PLAT: variants seen among roughly 807,000 people sequenced by gnomAD.
The protein encoded by PLAT is plasminogen activator, tissue type, also known as tissue-type plasminogen activator.
A neutral mutation model predicts 74.9 loss-of-function variants in PLAT; 48 were observed. The ratio of observed to expected loss-of-function variants is 0.64; its 90% CI spans 0.51 to 0.82. The LOEUF (loss-of-function observed/expected upper bound fraction) is 0.82, where lower values mean the gene tolerates loss of function less well. Among genes scored for constraint, PLAT ranks in the 40% least tolerant of loss-of-function variants. The probability of loss-of-function intolerance (pLI) is 0.00; values close to 1 mark genes in which losing one functional copy is unlikely to be tolerated. For synonymous variants in PLAT, 307 were observed against 294.4 expected, an observed-to-expected ratio of 1.04 and a Z score of -0.44; for missense variants, 673 against 736.2, an observed-to-expected ratio of 0.91 and a Z score of 0.99.
Position 42,180,690 on chromosome 8 carries a change from G to C in PLAT, c.890-5C>G. ...ACTGTCTCAGGCCGCAGGTGGCTGG[G>C]GAGGAAAGGACGAGGAGGCAGTCAG... is the stretch of plus-strand genomic sequence containing the variant. On this transcript the variant is annotated splice_polypyrimidine_tract_variant and splice_region_variant and intron_variant, in intron 9 of 13. Transcript: ENST00000220809. 3.2e-6 allele frequency: 5 copies of C among 1,555,610 alleles called. No individual in the cohort carries two copies. The highest frequency in any genetic ancestry group is 3.5e-6 in the Non-Finnish European group (4 of 1,149,860).
chr8:42,179,907 G>C lies in PLAT; in HGVS notation c.1363+19C>G. ...GCTGTCCCGCAGACAGGATGGGGCC[G>C]AGACTTCCTTCCACTTACAGGCCTC... is the stretch of plus-strand genomic sequence containing the variant. On this transcript the variant is annotated intron_variant, in intron 12 of 13. Coordinates refer to ENST00000220809, the MANE Select transcript of PLAT (RefSeq NM_000930.5). 9.0e-6 allele frequency: 14 copies of C among 1,562,956 alleles called. No homozygotes were observed. Among genetic ancestry groups the C allele is most frequent in the Non-Finnish European group, 1.2e-5 (14 of 1,149,236 alleles).
intron 1 of PLAT, 73 bp from the exon 2 acceptor site, chr8:42,193,284 G>T: frequency 2.1e-6 from 2 of 961,670 alleles, no homozygotes; most frequent in Non-Finnish European, 3.3e-6. Context: ...AGGATAAGCC[G>T]CAATGTTGTC....
In PLAT at chr8:42,180,361, A is replaced by C; in HGVS notation, c.1103T>G (p.Leu368Arg). Reference protein sequence around the residue: ...CFQERFPPHHLTVILGRTYRV... With the variant: ...CFQERFPPHHRTVILGRTYRV... ...GTATGTTCTGCCCAAGATCACCGTC[A>C]GGTGGTGGGGCGGAAACCTGGTGGA... The change falls in exon 11 of 14, where the codon CTG becomes CGG. Residue 368 changes from leucine to arginine, a missense_variant. Transcript: ENST00000220809. The C allele has an allele frequency of 6.2e-7, 1 of 1,614,260 alleles. No individual in the cohort carries two copies. The highest frequency in any genetic ancestry group is 8.5e-7 in the Non-Finnish European group (1 of 1,180,028).
chr8:42,197,548 AGGT>A lies in PLAT; in HGVS notation c.-26-4340_-26-4338del, dbSNP rs1330146655. ...AAATTGATGATCATGCCAACCAGAA[AGGT>A]GGTGTTCATTTCTTTGGTGGCCACA... On this transcript the variant is annotated intron_variant, in intron 1 of 13. Coordinates refer to ENST00000220809, the MANE Select transcript of PLAT (RefSeq NM_000930.5). Among the ~76,000 whole-genome samples the A allele has an allele frequency of 5.3e-5, 8 of 152,304 alleles. No homozygotes were observed. In the East Asian group the frequency reaches 1.5e-3, roughly 29 times the overall value.
chr8:42,194,050 C>CTTTTTTT (rs59850705), intron 1 of PLAT, among the ~76,000 whole-genome samples: 3,535 of 84,794 alleles, frequency 0.042, 436 homozygotes, highest in African/African-American at 0.053. Flanking sequence ...TTTCTTCTTT[C>CTTTTTTT]TTTTTTTTTT....
intron 7 of PLAT, chr8:42,184,697 T>TG (rs1478296194): frequency 6.8e-6 from 1 of 147,748 alleles, no homozygotes; most frequent in Non-Finnish European, 1.4e-5. Flanking sequence ...CTTGGAAGTT[T>TG]TTTTTTTTTT....
At chr8:42,191,951 A>G (rs1196795536) in intron 2 of PLAT, among the ~76,000 whole-genome samples, 3 of 150,180 alleles carry the variant, frequency 2.0e-5, no homozygotes, top group African/African-American at 7.4e-5. Flanking sequence ...AGTAGGCACC[A>G]TGAGGGCAGT....
intron 13 of PLAT, among the ~76,000 whole-genome samples, chr8:42,176,450 G>A (rs966922053): frequency 6.6e-6 from 1 of 152,226 alleles, no homozygotes; most frequent in South Asian, 2.1e-4. Flanking sequence ...GTGGGTGTTA[G>A]TGGCTCTGCA....
At chr8:42,184,879 C>T in intron 7 of PLAT, 1 of 439,136 alleles carries the variant, frequency 2.3e-6, no homozygotes, top group Non-Finnish European at 4.0e-6. Context: ...GTGAGGAGAT[C>T]AGCTCCAGGT....
chr8:42,190,996 G>A (rs530468114), intron 3 of PLAT, among the ~76,000 whole-genome samples: 3 of 152,330 alleles, frequency 2.0e-5, no homozygotes, highest in South Asian at 4.1e-4. Flanking sequence ...TGCCCTGGCC[G>A]TGCTGCTGGC....
chr8:42,176,928 A>T (rs1216007480), intron 13 of PLAT, among the ~76,000 whole-genome samples: 8 of 152,056 alleles, frequency 5.3e-5, no homozygotes, highest in Admixed American at 5.2e-4. Flanking sequence ...TGATGTTTTT[A>T]TGACTAGAAA....
At chr8:42,191,886 C>T (rs1805700605) in intron 2 of PLAT, among the ~76,000 whole-genome samples, 1 of 151,976 alleles carries the variant, frequency 6.6e-6, no homozygotes, top group East Asian at 1.9e-4. Context: ...CCGTGAGGCC[C>T]TTTATTGCTA....
chr8:42,187,273 C>T (rs962365134), intron 6 of PLAT, 125 bp downstream of exon 6: 2 of 689,044 alleles, frequency 2.9e-6, no homozygotes, highest in Non-Finnish European at 4.7e-6. Context: ...TGTCTATCAT[C>T]TATCCATCTA....
At position 42,203,029 on chromosome 8, in the gene PLAT, C is replaced by T. The variant is rs1806195168; in HGVS notation, c.-27+4465G>A. ...CCCCCGGGCTCTTCTGCCAGGGTGT[C>T]CTGGGAGGACGTGTGCTTTGGAATC... is the stretch of plus-strand genomic sequence containing the variant. On this transcript the variant is annotated intron_variant, in intron 1 of 13. Transcript: ENST00000220809. Among the ~76,000 whole-genome samples the T allele has an allele frequency of 2.0e-5, 3 of 152,072 alleles. No homozygotes were observed. In the South Asian group the frequency reaches 6.2e-4, roughly 32 times the overall value.
In PLAT at chr8:42,180,651, C is replaced by T. The variant is rs1204873462; in HGVS notation, c.924G>A (p.Gln308=). The stretch of plus-strand genomic sequence containing the variant: ...CGAAGAGCCCTCCTTTGATGCGAAA[C>T]TGAGGCTGGCTGTACTGTCTCAGGC... ...TCGLRQYSQP[Q]FRIKGGLFAD... is the part of the protein sequence containing the mutation. The change falls in exon 10 of 14, where the codon CAG becomes CAA. Residue 308 remains glutamine (Q), a synonymous_variant. Coordinates refer to ENST00000220809, the MANE Select transcript of PLAT (RefSeq NM_000930.5). 1 of 1,598,664 alleles carries T rather than the reference C, an allele frequency of 6.3e-7. No homozygotes were observed. The highest frequency in any genetic ancestry group is 8.5e-7 in the Non-Finnish European group (1 of 1,171,534).
Position 42,189,089 on chromosome 8 carries a change from C to G in PLAT, c.116-18G>C. 1 of 1,609,216 alleles carries G rather than the reference C, an allele frequency of 6.2e-7. No individual in the cohort carries two copies. Among genetic ancestry groups the G allele is most frequent in the South Asian group, 1.1e-5 (1 of 90,984 alleles). On this transcript the variant is annotated intron_variant, in intron 3 of 13. Transcript: ENST00000220809. ...GCAGATCACTATGAGAAAAGACAGG[C>G]CAGCCTCATCAGAGTATGACTCAAA...
At chr8:42,183,152 C>A (rs754099982) in intron 7 of PLAT, among the ~76,000 whole-genome samples, 1 of 152,136 alleles carries the variant, frequency 6.6e-6, no homozygotes, top group Non-Finnish European at 1.5e-5. Flanking sequence ...TACAGGCATG[C>A]GCCACCATGC....
chr8:42,188,159 C>T, intron 4 of PLAT, 143 bp from the exon 5 acceptor site: 1 of 548,586 alleles, frequency 1.8e-6, no homozygotes, highest in Non-Finnish European at 3.2e-6. Context: ...CTGCATCCTA[C>T]AAATACTGTT....
rs76761892 is a variant in PLAT, at chr8:42,204,713, T to TAA, written c.-27+2779_-27+2780dup. Reference sequence around the variant, plus strand: ...CTGGTGAAAAAGCGAGACTCCATCTTAAAAAAAAAAAAAAAGAAAAGAAAA... The same window carrying TAA: ...CTGGTGAAAAAGCGAGACTCCATCTTAAAAAAAAAAAAAAAAAGAAAAGAAAA... On this transcript the variant is annotated intron_variant, in intron 1 of 13. Transcript: ENST00000220809. Among the ~76,000 whole-genome samples, 778 of 122,144 alleles carry TAA rather than the reference T, an allele frequency of 6.4e-3. 5 individuals carry two copies. Among genetic ancestry groups the TAA allele is most frequent in the African/African-American group, 0.021 (704 of 33,188 alleles). 80.1% of individuals were successfully genotyped at this position (122,144 alleles called of 152,430 possible). A position where few individuals can be genotyped will look rare whatever the true frequency, so the allele number is the denominator to read the frequency against.
Sources: gnomAD v4.1 joint callset for allele counts (sites outside exome capture counted in the v4.1 genomes callset) on GRCh38, gnomAD v4.1.1 for gene constraint, MANE v1.5 for transcripts, NCBI Gene and HGNC (gene_info 2026-07-23, HGNC 2026-07-21) for gene names.